Variants in ADD1 observed in about 807,000 individuals in gnomAD.
The protein encoded by ADD1 is adducin 1.
A neutral mutation model predicts 80.5 loss-of-function variants in ADD1; 24 were observed. The observed-to-expected ratio is 0.30, with a 90% CI of 0.22 to 0.42. The LOEUF is 0.42. ADD1 is among the 10% of genes least tolerant of loss of function. The pLI is 1.00. For synonymous variants in ADD1, 373 were observed against 393.8 expected (o/e 0.95, Z 0.63); for missense variants, 948 against 1,019.0 (o/e 0.93, Z 0.95).
chr4:2,846,524 T>C (rs1261628657), intron 1 of ADD1, among the ~76,000 whole-genome samples: 1 of 152,214 alleles, frequency 6.6e-6, no homozygotes, highest in African/African-American at 2.4e-5. Flanking sequence ...CTTCTTTTAT[T>C]AAATAGAATA....
chr4:2,853,904 GTTA>G (rs1223509952), intron 1 of ADD1, among the ~76,000 whole-genome samples: 2 of 152,122 alleles, frequency 1.3e-5, no homozygotes, highest in African/African-American at 4.8e-5. Context: ...GCGTCTGGCC[GTTA>G]TTATGTTTTA....
At chr4:2,921,194 C>G (rs934049291) in intron 14 of ADD1, among the ~76,000 whole-genome samples, 10 of 152,020 alleles carry the variant, frequency 6.6e-5, no homozygotes, top group African/African-American at 1.9e-4. Flanking sequence ...GTGGCGTGAT[C>G]TCGGCTCACT....
chr4:2,905,184 A>T, intron 10 of ADD1, 76 bp downstream of exon 10: 1 of 1,427,038 alleles, frequency 7.0e-7, no homozygotes. Context: ...AGGCTTTGGG[A>T]ATCCAGCCTT....
intron 4 of ADD1, among the ~76,000 whole-genome samples, chr4:2,885,754 C>A (rs367785262): frequency 6.6e-6 from 1 of 151,892 alleles, no homozygotes. Flanking sequence ...GGACTACAGG[C>A]GCCCGCCACC....
chr4:2,900,626 G>A (rs58731679), intron 9 of ADD1: 2,899 of 152,416 alleles, frequency 0.019, 57 homozygotes, highest in African/African-American at 0.046. Flanking sequence ...TTTCCTGAAG[G>A]TTTGGAATAA....
chr4:2,899,487 G>T (rs756948615), intron 9 of ADD1, 52 bp downstream of exon 9: 1 of 1,604,614 alleles, frequency 6.2e-7, no homozygotes, highest in South Asian at 1.1e-5. Flanking sequence ...AAAAGCATCA[G>T]TGTTGGTGTT....
At chr4:2,848,208 G>C (rs1272739286) in intron 1 of ADD1, among the ~76,000 whole-genome samples, 1 of 144,364 alleles carries the variant, frequency 6.9e-6, no homozygotes, top group Non-Finnish European at 1.5e-5. Flanking sequence ...GTGAGACTCC[G>C]TCTCAAAAAA....
rs745556066 is a variant in ADD1 at position 2,926,328 on chromosome 4, G to A, written c.2047+216G>A. On this transcript the variant is annotated intron_variant, in intron 15 of 15. Coordinates refer to ENST00000683351, the MANE Select transcript of ADD1 (RefSeq NM_001354761.2). This position sits in a 1 kb window ranked among gnomAD's most constrained non-coding sequence, Gnocchi z 5.0. ...TGAGCTGTGACCAGGTAGGAAGGCC[G>A]GCCTCGGGGGTCGGAACCCACCATG... The A allele has an allele frequency of 1.1e-5, 8 of 708,010 alleles. No individual in the cohort carries two copies. Among genetic ancestry groups the A allele is most frequent in the Middle Eastern group, 2.3e-4 (1 of 4,390 alleles). 43.9% of individuals were successfully genotyped at this position (708,010 alleles called of 1,614,324 possible). A position where few individuals can be genotyped will look rare whatever the true frequency, so the allele number is the denominator to read the frequency against.
At chr4:2,887,330 A>G (rs1733546736) in intron 4 of ADD1, among the ~76,000 whole-genome samples, 1 of 152,180 alleles carries the variant, frequency 6.6e-6, no homozygotes, top group African/African-American at 2.4e-5. Context: ...CTTTCTTTGA[A>G]AGGGGGTCAT....
chr4:2,891,775 C>A (rs989845714), intron 4 of ADD1, among the ~76,000 whole-genome samples: 9 of 152,160 alleles, frequency 5.9e-5, no homozygotes, highest in Non-Finnish European at 1.2e-4. Context: ...TAAGTGTTAT[C>A]TGACTTTGGA....
intron 1 of ADD1, 118 bp from the exon 2 acceptor site, chr4:2,875,778 T>A: frequency 2.4e-6 from 2 of 819,972 alleles, no homozygotes; most frequent in East Asian, 5.4e-5. Context: ...GTTTCCACTG[T>A]CAGTTGGTCA....
At chr4:2,923,973 G>A (rs1740540585) in intron 14 of ADD1, among the ~76,000 whole-genome samples, 1 of 152,258 alleles carries the variant, frequency 6.6e-6, no homozygotes, top group African/African-American at 2.4e-5. Context: ...CTGTGCTTGT[G>A]TGTAGGGCTT....
intron 1 of ADD1, among the ~76,000 whole-genome samples, chr4:2,853,462 C>T (rs1727619687): frequency 6.6e-6 from 1 of 151,988 alleles, no homozygotes; most frequent in South Asian, 2.1e-4. Context: ...TTTAGTGAAG[C>T]CAATAGTTTC....
At chr4:2,875,555 C>A (rs990138248) in intron 1 of ADD1, among the ~76,000 whole-genome samples, 1 of 152,202 alleles carries the variant, frequency 6.6e-6, no homozygotes, top group Non-Finnish European at 1.5e-5. Context: ...CTGTGTGGAA[C>A]AAATCATGTC....
intron 1 of ADD1, among the ~76,000 whole-genome samples, chr4:2,872,497 G>A (rs1210024627): frequency 6.6e-6 from 1 of 152,162 alleles, no homozygotes; most frequent in Non-Finnish European, 1.5e-5. Context: ...TCTTTTATCT[G>A]TATTATGCTA....
chr4:2,870,465 G>T (rs952727036), intron 1 of ADD1, among the ~76,000 whole-genome samples: 2 of 151,844 alleles, frequency 1.3e-5, no homozygotes, highest in Non-Finnish European at 2.9e-5. Flanking sequence ...AGTCTGTCCA[G>T]CTAGCAAGAA....
intron 10 of ADD1, among the ~76,000 whole-genome samples, chr4:2,906,807 C>T (rs1008565459): frequency 4.6e-5 from 7 of 152,226 alleles, no homozygotes; most frequent in African/African-American, 1.7e-4. Context: ...GCCCATTCCA[C>T]ACTCTCCTCG....
At chr4:2,847,114 G>A (rs535368241) in intron 1 of ADD1, among the ~76,000 whole-genome samples, 4 of 151,722 alleles carry the variant, frequency 2.6e-5, no homozygotes, top group African/African-American at 7.3e-5. Context: ...GCGAGACTCC[G>A]TCTCAAAAAA....
At chr4:2,899,915 G>A (rs369376732) in intron 9 of ADD1, 5 of 266,144 alleles carry the variant, frequency 1.9e-5, no homozygotes, top group African/African-American at 6.8e-5. Context: ...CACAGAGCCC[G>A]GCATGGTCCA....
Sources: allele counts gnomAD v4.1 joint callset (sites outside exome capture counted in the v4.1 genomes callset), GRCh38; gene constraint gnomAD v4.1.1; non-coding constraint Gnocchi (gnomAD v3.1); transcripts MANE v1.5; gene names NCBI Gene and HGNC (gene_info 2026-07-23, HGNC 2026-07-21).